Variants in UNC79 observed in about 807,000 individuals in gnomAD.
UNC79 encodes unc-79 subunit of NALCN channel complex.
In UNC79, 37 loss-of-function variants were observed where a neutral mutation model predicts 283.1. The observed-to-expected ratio is 0.13, with a 90% CI of 0.10 to 0.17. UNC79 has a LOEUF of 0.17. Ranked by LOEUF, UNC79 falls within the 10% of genes least tolerant of loss-of-function variation. The pLI is 1.00. For missense variants in UNC79, 2,272 were observed against 3,211.1 expected, an observed-to-expected ratio of 0.71 and a Z score of 7.07; for synonymous variants, 1,107 against 1,200.2, an observed-to-expected ratio of 0.92 and a Z score of 1.61.
chr14:93,630,695 A>G (rs746966628), intron 30 of UNC79, 106 bp from the exon 33 acceptor site: 116 of 798,120 alleles, frequency 1.5e-4, no homozygotes, highest in Non-Finnish European at 2.2e-4. Context: ...GAAAGTGTAT[A>G]AAGAGTTGAA....
At chr14:93,370,769 C>G (rs1188641102) in intron 1 of UNC79, among the ~76,000 whole-genome samples, 2 of 151,580 alleles carry the variant, frequency 1.3e-5, no homozygotes, top group Non-Finnish European at 2.9e-5. Flanking sequence ...GAGACCCTGT[C>G]TCAAAAAGAA....
At chr14:93,481,234 C>T (rs976595240) in intron 4 of UNC79, among the ~76,000 whole-genome samples, 2 of 152,036 alleles carry the variant, frequency 1.3e-5, no homozygotes, top group African/African-American at 4.8e-5. Flanking sequence ...ATATATTTCT[C>T]TTTATTCCAA....
intron 39 of UNC79, among the ~76,000 whole-genome samples, chr14:93,659,750 A>G (rs192970627): frequency 3.2e-4 from 48 of 152,256 alleles, no homozygotes; most frequent in Admixed American, 1.3e-3. Context: ...AACAACAACC[A>G]CTGTTTGTTA....
intron 1 of UNC79, among the ~76,000 whole-genome samples, chr14:93,462,570 G>A (rs2056998743): frequency 6.6e-6 from 1 of 152,204 alleles, no homozygotes; most frequent in Non-Finnish European, 1.5e-5. Context: ...AAATGAGTTA[G>A]GAGGCTGTTA....
chr14:93,651,008 ATTCAGTTT>A (rs2070187915), intron 35 of UNC79, among the ~76,000 whole-genome samples: 1 of 151,900 alleles, frequency 6.6e-6, no homozygotes, highest in Admixed American at 6.6e-5. Flanking sequence ...CTATGTGGAT[ATTCAGTTT>A]TTCAGCACAG....
intron 7 of UNC79, among the ~76,000 whole-genome samples, chr14:93,523,162 G>T (rs1039632960): frequency 3.3e-5 from 5 of 152,016 alleles, no homozygotes; most frequent in Admixed American, 3.3e-4. Context: ...CAAGTGCTTT[G>T]GGCTACAGAA....
chr14:93,380,068 G>T (rs1332182581), intron 1 of UNC79, among the ~76,000 whole-genome samples: 1 of 152,062 alleles, frequency 6.6e-6, no homozygotes, highest in African/African-American at 2.4e-5. Context: ...TCACAGGGTT[G>T]ATCTGAGGAT....
chr14:93,688,632 G>A lies in UNC79; in HGVS notation c.6910-33G>A, dbSNP rs1327275998. On this transcript the variant is annotated intron_variant, in intron 43 of 48. Coordinates refer to ENST00000555664, the Ensembl canonical transcript of UNC79. This position sits in a 1 kb window ranked among gnomAD's most constrained non-coding sequence, Gnocchi z 4.0. ...TGGCCTGGAATGAATCCAGGTGTCTGCCAGAGTTACAAAATACCATTCGGT... is the reference window on the plus strand; with the variant it reads ...TGGCCTGGAATGAATCCAGGTGTCTACCAGAGTTACAAAATACCATTCGGT... 1 of 1,599,752 alleles carries A rather than the reference G, an allele frequency of 6.3e-7. No homozygotes were observed. Among genetic ancestry groups the A allele is most frequent in the Non-Finnish European group, 8.5e-7 (1 of 1,171,372 alleles).
Position 93,690,426 on chromosome 14 carries a change from G to T in UNC79, c.7272+123G>T. ...ATCATTTGCCCTCCTGTGGATGTTA[G>T]AAACACAACTTTGTGCTAATGTCTT... On this transcript the variant is annotated intron_variant, in intron 45 of 48. Transcript: ENST00000555664. The surrounding 1 kb of genome is among the most constrained non-coding windows in gnomAD (Gnocchi z 4.3). The T allele has an allele frequency of 8.9e-7, 1 of 1,125,318 alleles. No individual in the cohort carries two copies. Among genetic ancestry groups the T allele is most frequent in the East Asian group, 2.5e-5 (1 of 39,880 alleles). The allele number at this position is 1,125,318 out of a possible 1,614,324, so 69.7% of individuals were successfully genotyped here.
chr14:93,423,062 C>CAAAAAAAAAA lies in UNC79; in HGVS notation c.-350-44589_-350-44580dup, dbSNP rs71129634. Among the ~76,000 whole-genome samples, 115 of 77,298 alleles carry CAAAAAAAAAA rather than the reference C, an allele frequency of 1.5e-3. 2 individuals carry two copies. The highest frequency in any genetic ancestry group is 5.0e-3 in the African/African-American group (92 of 18,300). 50.7% of individuals were successfully genotyped at this position (77,298 alleles called of 152,430 possible). ...TGGGGGACAGAGCGAGACTCTGTCT[C>CAAAAAAAAAA]AAAAAAAAAAAAAAAAAAAAAAAAA... On this transcript the variant is annotated intron_variant, in intron 1 of 49. Transcript: ENST00000256339.
chr14:93,486,675 AAAAG>A (rs1555423877), intron 4 of UNC79, among the ~76,000 whole-genome samples: 4 of 148,008 alleles, frequency 2.7e-5, no homozygotes, highest in African/African-American at 7.5e-5. Flanking sequence ...AAAAAAAAAA[AAAAG>A]AAAGAAAGTC....
In UNC79 at chr14:93,617,553, G is replaced by A. The variant is rs1184772935; in HGVS notation, c.4224+249G>A. Among the ~76,000 whole-genome samples, 1 of 152,170 alleles carries A rather than the reference G, an allele frequency of 6.6e-6. No individual in the cohort carries two copies. Among genetic ancestry groups the A allele is most frequent in the African/African-American group, 2.4e-5 (1 of 41,442 alleles). ...TGATAAATGGTAGGCTACTGATCAA[G>A]AACCTCTGTTTATACTCAGTCTTGT... On this transcript the variant is annotated intron_variant, in intron 28 of 48. Coordinates refer to ENST00000555664, the Ensembl canonical transcript of UNC79. The surrounding 1 kb of genome is among the most constrained non-coding windows in gnomAD (Gnocchi z 4.5).
chr14:93,705,746 C>T (rs939558676), intron 48 of UNC79, among the ~76,000 whole-genome samples: 9 of 152,348 alleles, frequency 5.9e-5, no homozygotes, highest in Non-Finnish European at 7.3e-5. Context: ...CCATCCAAAC[C>T]GGGTCCTGTC....
At chr14:93,447,768 C>T (rs531998620) in intron 1 of UNC79, among the ~76,000 whole-genome samples, 27 of 151,846 alleles carry the variant, frequency 1.8e-4, no homozygotes, top group African/African-American at 5.6e-4. Flanking sequence ...GATTTTGCTT[C>T]GACAGTTTTT....
intron 1 of UNC79, among the ~76,000 whole-genome samples, chr14:93,367,202 G>A (rs750864812): frequency 2.8e-4 from 42 of 152,098 alleles, no homozygotes; most frequent in Admixed American, 6.5e-4. Context: ...TAATAAAATA[G>A]TAAAAAAAGA....
intron 1 of UNC79, among the ~76,000 whole-genome samples, chr14:93,355,324 A>G (rs1201339501): frequency 6.6e-6 from 1 of 151,766 alleles, no homozygotes; most frequent in Non-Finnish European, 1.5e-5. Flanking sequence ...TCAGCCTCCC[A>G]AGTAGCTGGG....
At chr14:93,344,492 T>G (rs192763595) in intron 1 of UNC79, among the ~76,000 whole-genome samples, 170 of 152,240 alleles carry the variant, frequency 1.1e-3, no homozygotes, top group African/African-American at 3.9e-3. Context: ...GGTTCTTATC[T>G]CTGGTTCTTT....
intron 6 of UNC79, 52 bp from the exon 7 acceptor site, chr14:93,497,105 T>G: frequency 6.4e-7 from 1 of 1,571,600 alleles, no homozygotes; most frequent in Non-Finnish European, 8.6e-7. Flanking sequence ...AGTCTCTACC[T>G]TTCTTTTTAT....
At chr14:93,584,094 C>T (rs1465923146) in intron 20 of UNC79, among the ~76,000 whole-genome samples, 37 of 152,136 alleles carry the variant, frequency 2.4e-4, no homozygotes. Flanking sequence ...GCATGAGCCA[C>T]CACACCCGGC....
Sources: gnomAD v4.1 joint callset for allele counts (sites outside exome capture counted in the v4.1 genomes callset) on GRCh38, gnomAD v4.1.1 for gene constraint, Gnocchi (gnomAD v3.1) non-coding constraint, MANE v1.5 for transcripts, NCBI Gene and HGNC (gene_info 2026-07-23, HGNC 2026-07-21) for gene names.